The following NEBL variants were observed in gnomAD, a reference collection of about 807,000 sequenced individuals.
NEBL encodes nebulette.
In NEBL, 122 loss-of-function variants were observed where a neutral mutation model predicts 140.2. The ratio of observed to expected loss-of-function variants is 0.87; its 90% confidence interval spans 0.75 to 1.01. The LOEUF is 1.01. Among genes scored for constraint, NEBL ranks in the 50% least tolerant of loss-of-function variants. NEBL has a pLI of 0.00. For synonymous variants in NEBL, 436 were observed against 398.9 expected, an observed-to-expected ratio of 1.09 and a Z score of -1.11; for missense variants, 1,365 against 1,231.3, an observed-to-expected ratio of 1.11 and a Z score of -1.62.
At chr10:20,902,745 G>T (rs751481168) in intron 4 of NEBL, among the ~76,000 whole-genome samples, 1 of 151,956 alleles carries the variant, frequency 6.6e-6, no homozygotes, top group Non-Finnish European at 1.5e-5. Flanking sequence ...GATCACTCCC[G>T]CAATCTTCAC....
chr10:20,896,482 G>GTATATATATATATATA, intron 2 of NEBL, among the ~76,000 whole-genome samples: 1 of 20,976 alleles, frequency 4.8e-5, no homozygotes, highest in Non-Finnish European at 9.7e-5. Flanking sequence ...AATATTATAT[G>GTATATATATATATATA]CATATATATA....
intron 2 of NEBL, among the ~76,000 whole-genome samples, chr10:21,028,672 G>A (rs993350403): frequency 6.6e-6 from 1 of 151,580 alleles, no homozygotes; most frequent in African/African-American, 2.4e-5. Flanking sequence ...AACATTTTAA[G>A]TATAATCACA....
intron 16 of NEBL, among the ~76,000 whole-genome samples, chr10:20,830,761 G>T (rs1840322590): frequency 6.6e-6 from 1 of 151,108 alleles, no homozygotes; most frequent in South Asian, 2.1e-4. Context: ...AGAAAGAAAA[G>T]GTTAAAATAT....
intron 2 of NEBL, among the ~76,000 whole-genome samples, chr10:21,079,164 T>C (rs548426922): frequency 5.3e-5 from 8 of 152,246 alleles, no homozygotes; most frequent in Non-Finnish European, 8.8e-5. Context: ...CTATTAACTA[T>C]AGCCAGAGCC....
At chr10:20,808,776 T>A in intron 25 of NEBL, 117 bp from the exon 26 acceptor site, 1 of 1,150,002 alleles carries the variant, frequency 8.7e-7, no homozygotes, top group Non-Finnish European at 1.3e-6. Context: ...AAAGAATAAC[T>A]CAAAATCTCA....
intron 1 of NEBL, among the ~76,000 whole-genome samples, chr10:21,273,280 G>A (rs1006370472): frequency 6.6e-6 from 1 of 152,164 alleles, no homozygotes; most frequent in Non-Finnish European, 1.5e-5. Flanking sequence ...TCAACAGGAG[G>A]AAGGATCCCA....
chr10:21,024,073 A>G (rs534227354), intron 2 of NEBL, among the ~76,000 whole-genome samples: 4 of 152,212 alleles, frequency 2.6e-5, no homozygotes, highest in African/African-American at 9.6e-5. Flanking sequence ...CTGGGGAAAA[A>G]AAAAAAAAAC....
intron 4 of NEBL, among the ~76,000 whole-genome samples, chr10:20,944,846 A>C (rs2131579482): frequency 1.3e-5 from 2 of 152,340 alleles, no homozygotes; most frequent in Middle Eastern, 3.4e-3. Flanking sequence ...CTCCAAAAGC[A>C]GACATGTACA....
chr10:21,126,070 A>G, intron 2 of NEBL: 1 of 1,614,062 alleles, frequency 6.2e-7, no homozygotes, highest in East Asian at 2.2e-5. Flanking sequence ...CTCCCCAACC[A>G]GCTTCCTGGG....
At position 20,869,714 on chromosome 10, in the gene NEBL, G is replaced by A. The variant is rs148551893; in HGVS notation, c.582+26C>T. ...CCTACAAAAGTAAGAAATCATTTCCGTTCAAGGTTTAGAAAGAGAAGTTAC... is the reference window on the plus strand; with the variant it reads ...CCTACAAAAGTAAGAAATCATTTCCATTCAAGGTTTAGAAAGAGAAGTTAC... On this transcript the variant is annotated intron_variant, in intron 6 of 27. Transcript: ENST00000377122. 6.3e-5 allele frequency: 94 copies of A among 1,494,092 alleles called. No homozygotes were observed. In the Middle Eastern group the frequency reaches 6.9e-4, roughly 11 times the overall value. 92.6% of individuals were successfully genotyped at this position (1,494,092 alleles called of 1,614,324 possible).
chr10:21,286,751 G>A (rs1483470915), intron 1 of NEBL, among the ~76,000 whole-genome samples: 2 of 151,976 alleles, frequency 1.3e-5, no homozygotes, highest in East Asian at 1.9e-4. Flanking sequence ...GGAGAATGGC[G>A]TGACGTGAAC....
chr10:20,796,273 C>T lies in NEBL; in HGVS notation c.2762-8965G>A, dbSNP rs531984619. ...AGCTTCTCAGGAGGCTGAGGAGAAT[C>T]GCTTGAACCCAGGAGGCAGAGGTTG... On this transcript the variant is annotated intron_variant, in intron 26 of 27. Coordinates refer to ENST00000377122, the MANE Select transcript of NEBL (RefSeq NM_006393.3). 2.1e-5 allele frequency among the ~76,000 whole-genome samples: 3 copies of T among 143,634 alleles called. No homozygotes were observed. In the East Asian group the frequency reaches 6.6e-4, roughly 32 times the overall value. 94.2% of individuals were successfully genotyped at this position (143,634 alleles called of 152,430 possible). A position where few individuals can be genotyped will look rare whatever the true frequency, so the allele number is the denominator to read the frequency against.
chr10:21,075,440 T>A (rs1836020825), intron 2 of NEBL, among the ~76,000 whole-genome samples: 1 of 152,190 alleles, frequency 6.6e-6, no homozygotes, highest in African/African-American at 2.4e-5. Context: ...CACCACTATT[T>A]GATTACCTGG....
intron 2 of NEBL, chr10:21,029,165 A>G (rs2131799456): frequency 7.5e-7 from 1 of 1,342,146 alleles, no homozygotes; most frequent in African/African-American, 1.4e-5. Context: ...ACGATTTGAC[A>G]CAGTAATGAT....
At chr10:21,115,491 T>A (rs1838241259) in intron 2 of NEBL, among the ~76,000 whole-genome samples, 1 of 152,082 alleles carries the variant, frequency 6.6e-6, no homozygotes, top group Non-Finnish European at 1.5e-5. Context: ...TTATTTCATC[T>A]ATTCTTTAAT....
chr10:20,878,731 C>CA (rs1224910752), intron 5 of NEBL, among the ~76,000 whole-genome samples: 2 of 152,154 alleles, frequency 1.3e-5, no homozygotes, highest in African/African-American at 4.8e-5. Flanking sequence ...ACAAACTTTG[C>CA]ATGCAAAGGT....
chr10:20,790,184 C>A (rs971759710), intron 26 of NEBL, among the ~76,000 whole-genome samples: 2 of 151,892 alleles, frequency 1.3e-5, no homozygotes, highest in Non-Finnish European at 1.5e-5. Flanking sequence ...TATCTTCATG[C>A]CTTTATTGAT....
chr10:21,228,226 T>C (rs570688700), intron 3 of NEBL, among the ~76,000 whole-genome samples: 1 of 152,136 alleles, frequency 6.6e-6, no homozygotes, highest in African/African-American at 2.4e-5. Flanking sequence ...CAATCACGAC[T>C]CACTACACCC....
At chr10:21,154,113 T>C (rs772171037) in intron 2 of NEBL, among the ~76,000 whole-genome samples, 1 of 152,042 alleles carries the variant, frequency 6.6e-6, no homozygotes, top group Non-Finnish European at 1.5e-5. Flanking sequence ...ATATTATTAA[T>C]ACCATACAGA....
Sources: allele counts gnomAD v4.1 joint callset (sites outside exome capture counted in the v4.1 genomes callset), GRCh38; gene constraint gnomAD v4.1.1; transcripts MANE v1.5; gene names NCBI Gene and HGNC (gene_info 2026-07-23, HGNC 2026-07-21).